The following ATP13A5 variants were observed in gnomAD, a reference collection of about 807,000 sequenced individuals.
ATP13A5 encodes ATPase 13A5.
In ATP13A5, 149 loss-of-function variants were observed where a neutral mutation model predicts 150.2. The ratio of observed to expected loss-of-function variants is 0.99; its 90% CI spans 0.87 to 1.14. The LOEUF is 1.14. ATP13A5 is among the 50% of genes most tolerant of loss of function. The probability of loss-of-function intolerance (pLI) is 0.00; values close to 1 mark genes in which losing one functional copy is unlikely to be tolerated. For synonymous variants in ATP13A5, 497 were observed against 522.2 expected (o/e 0.95, Z 0.66); for missense variants, 1,383 against 1,449.3 (o/e 0.95, Z 0.74).
chr3:193,277,544 C>A (rs888865396), intron 28 of ATP13A5: 2 of 152,226 alleles, frequency 1.3e-5, no homozygotes, highest in African/African-American at 4.8e-5. Flanking sequence ...AACTCACTGA[C>A]CCTCCGTAGT....
chr3:193,320,499 G>A (rs1164496658), intron 16 of ATP13A5, among the ~76,000 whole-genome samples: 2 of 152,174 alleles, frequency 1.3e-5, no homozygotes, highest in Non-Finnish European at 2.9e-5. Context: ...AGGGACAATA[G>A]ATACCAGTTT....
At chr3:193,353,439 C>T (rs1398654205) in intron 6 of ATP13A5, among the ~76,000 whole-genome samples, 1 of 151,984 alleles carries the variant, frequency 6.6e-6, no homozygotes, top group East Asian at 1.9e-4. Context: ...TTGAAAAAGA[C>T]CAAAAGAATA....
chr3:193,289,552 C>T (rs1252554229), intron 26 of ATP13A5, among the ~76,000 whole-genome samples: 1 of 152,050 alleles, frequency 6.6e-6, no homozygotes, highest in East Asian at 1.9e-4. Flanking sequence ...CAACTGAGGC[C>T]ATGTAGTGCA....
At position 193,363,044 on chromosome 3, in the gene ATP13A5, C is replaced by T. The variant is rs761573309; in HGVS notation, c.384+192G>A. On this transcript the variant is annotated intron_variant, in intron 3 of 29. Coordinates refer to ENST00000342358, the MANE Select transcript of ATP13A5 (RefSeq NM_198505.4). ...CTCAAACTCCTGGGCTCAAGGGATC[C>T]GCCCACATTGGCCTCCCAAAAGTGC... Among the ~76,000 whole-genome samples the T allele has an allele frequency of 2.0e-4, 31 of 152,216 alleles. No individual in the cohort carries two copies. In the Middle Eastern group the frequency reaches 0.01, roughly 50 times the overall value.
At chr3:193,322,043 G>A (rs1268523360) in intron 15 of ATP13A5, among the ~76,000 whole-genome samples, 2 of 152,268 alleles carry the variant, frequency 1.3e-5, no homozygotes, top group African/African-American at 2.4e-5. Context: ...ACCTTCCCCT[G>A]GAGAAATCCT....
chr3:193,345,522 C>T (rs1426218188), intron 7 of ATP13A5, among the ~76,000 whole-genome samples: 1 of 152,070 alleles, frequency 6.6e-6, no homozygotes, highest in Admixed American at 6.6e-5. Context: ...GACTACAGAA[C>T]TCGGAAGTGA....
intron 6 of ATP13A5, among the ~76,000 whole-genome samples, 157 bp from the exon 7 acceptor site, chr3:193,351,358 G>A (rs947682067): frequency 6.6e-6 from 1 of 152,122 alleles, no homozygotes; most frequent in African/African-American, 2.4e-5. Flanking sequence ...TTTGGGTTGA[G>A]AAAATGTCAA....
chr3:193,373,911 CT>C (rs1206309634), intron 1 of ATP13A5, among the ~76,000 whole-genome samples: 2 of 152,194 alleles, frequency 1.3e-5, no homozygotes, highest in Non-Finnish European at 2.9e-5. Context: ...GCCATTTTGC[CT>C]TCTGGGGCTG....
chr3:193,304,875 G>T (rs1008859337), intron 23 of ATP13A5, among the ~76,000 whole-genome samples: 5 of 152,134 alleles, frequency 3.3e-5, no homozygotes, highest in Non-Finnish European at 7.3e-5. Flanking sequence ...AGATGGCGAA[G>T]GTGAAGGAGA....
Position 193,333,759 on chromosome 3 carries a change from C to CAT in ATP13A5, c.1261_1262dup (p.Met421IlefsTer12), listed in dbSNP as rs1451443025. The stretch of plus-strand genomic sequence containing the variant: ...TACCCCCAGTACTTACTCCATGGTA[C>CAT]ATATATACCCCTAGGGCATAGAAAA... On this transcript the variant is annotated frameshift_variant, in exon 11 of 30. Transcript: ENST00000342358. LOFTEE classifies it high-confidence loss of function. 3.7e-6 allele frequency: 6 copies of CAT among 1,613,482 alleles called. No homozygotes were observed.
In ATP13A5 at chr3:193,341,748, AGGAT is replaced by A. The variant is rs1414802159; in HGVS notation, c.943+2175_943+2178del. Among the ~76,000 whole-genome samples the A allele has an allele frequency of 3.9e-5, 6 of 152,208 alleles. No individual in the cohort carries two copies. The East Asian group carries it at 1.2e-3, about 29-fold the overall frequency. ...TAGATATTCACACTGGACACTTTTA[AGGAT>A]GGCAAAATTTGGAACCGACATAAAA... On this transcript the variant is annotated intron_variant, in intron 9 of 29. Coordinates refer to ENST00000342358, the MANE Select transcript of ATP13A5 (RefSeq NM_198505.4).
chr3:193,362,244 A>C (rs1028428637), intron 5 of ATP13A5, 137 bp downstream of exon 5: 2 of 735,298 alleles, frequency 2.7e-6, no homozygotes, highest in African/African-American at 1.7e-5. Flanking sequence ...AATTTAGGAT[A>C]TCTCCGCTGC....
At chr3:193,284,236 G>C (rs1717624928) in intron 27 of ATP13A5, among the ~76,000 whole-genome samples, 1 of 151,752 alleles carries the variant, frequency 6.6e-6, no homozygotes, top group Non-Finnish European at 1.5e-5. Flanking sequence ...TGTTGCCCAG[G>C]CTAGTCTCAA....
chr3:193,275,804 A>G (rs928540028), intron 29 of ATP13A5, among the ~76,000 whole-genome samples: 1 of 152,192 alleles, frequency 6.6e-6, no homozygotes, highest in African/African-American at 2.4e-5. Context: ...AATTGGTCAA[A>G]TTTTGCATCC....
chr3:193,291,818 T>A (rs1176639238), intron 25 of ATP13A5, among the ~76,000 whole-genome samples: 1 of 152,066 alleles, frequency 6.6e-6, no homozygotes, highest in African/African-American at 2.4e-5. Flanking sequence ...ACAATGGAAG[T>A]GTCTCTCTTG....
chr3:193,338,012 C>T (rs953567461), intron 9 of ATP13A5, among the ~76,000 whole-genome samples: 3 of 152,132 alleles, frequency 2.0e-5, no homozygotes, highest in African/African-American at 4.8e-5. Context: ...TGGGAGTTCA[C>T]TCATAATTTG....
intron 1 of ATP13A5, among the ~76,000 whole-genome samples, chr3:193,370,503 C>T (rs1044275813): frequency 1.3e-5 from 2 of 152,144 alleles, no homozygotes; most frequent in Admixed American, 1.3e-4. Context: ...CATGGGAAAA[C>T]CAAGTTCAAA....
At chr3:193,357,304 A>G (rs1270956151) in intron 5 of ATP13A5, among the ~76,000 whole-genome samples, 1 of 152,154 alleles carries the variant, frequency 6.6e-6, no homozygotes, top group East Asian at 1.9e-4. Context: ...CAATATTACC[A>G]TTAAGAGAGA....
intron 14 of ATP13A5, 22 bp from the exon 15 acceptor site, chr3:193,322,596 C>T (rs1490763499): frequency 6.7e-7 from 1 of 1,493,696 alleles, no homozygotes; most frequent in Non-Finnish European, 9.3e-7. Flanking sequence ...TGAAAACATT[C>T]ATAAGATTCT....
Sources: allele counts gnomAD v4.1 joint callset (sites outside exome capture counted in the v4.1 genomes callset), GRCh38; gene constraint gnomAD v4.1.1; transcripts MANE v1.5; gene names NCBI Gene and HGNC (gene_info 2026-07-23, HGNC 2026-07-21).